Variants in CD22 observed in about 807,000 individuals in gnomAD.
The protein encoded by CD22 is B-cell receptor CD22.
Under a neutral mutation model 94.7 loss-of-function variants are expected in CD22, and 51 were observed. The observed-to-expected ratio is 0.54, with a 90% confidence interval of 0.43 to 0.68. The LOEUF (loss-of-function observed/expected upper bound fraction) is 0.68, where lower values mean the gene tolerates loss of function less well. Ranked by LOEUF, CD22 falls within the 30% of genes least tolerant of loss-of-function variation. The pLI, the probability that CD22 is intolerant of heterozygous loss-of-function variation, is 0.00. For synonymous variants in CD22, 424 were observed against 422.5 expected, an observed-to-expected ratio of 1.00 and a Z score of -0.04; for missense variants, 931 against 1,060.4, an observed-to-expected ratio of 0.88 and a Z score of 1.69.
intron 9 of CD22, 91 bp downstream of exon 9, chr19:35,342,056 T>TCC (rs1555769981): frequency 0.081 from 83,880 of 1,038,664 alleles, 6,158 homozygotes; most frequent in South Asian, 0.16. Context: ...CTTCCTTCCT[T>TCC]TCTTTCTCTC....
intron 6 of CD22, 83 bp downstream of exon 6, chr19:35,338,514 C>T (rs768714154): frequency 1.2e-5 from 18 of 1,459,002 alleles, no homozygotes; most frequent in Middle Eastern, 1.8e-4. Context: ...CAGGGCATTC[C>T]GGGGTCCTGG....
At chr19:35,345,451 G>T in intron 11 of CD22, 151 bp from the exon 12 acceptor site, 2 of 581,252 alleles carry the variant, frequency 3.4e-6, no homozygotes, top group Non-Finnish European at 6.1e-6. Flanking sequence ...AAAAAGGGTA[G>T]GCATGAGGCA....
chr19:35,333,269 G>C (rs969367684), intron 3 of CD22, among the ~76,000 whole-genome samples: 2 of 152,170 alleles, frequency 1.3e-5, no homozygotes, highest in Admixed American at 1.3e-4. Flanking sequence ...CTTTAGTGGG[G>C]TGGGTCTGCA....
In CD22 at chr19:35,341,693, G is replaced by A. The variant is rs776658197; in HGVS notation, c.1772-9G>A. ...GACTTCGCACCCCCTCCCCCTGCCC[G>A]CCATGCAGATGCACCCAGGAGGCTG... On this transcript the variant is annotated splice_polypyrimidine_tract_variant and intron_variant, in intron 8 of 13. Coordinates refer to ENST00000085219, the MANE Select transcript of CD22 (RefSeq NM_001771.4). The surrounding 1 kb of genome is among the most constrained non-coding windows in gnomAD (Gnocchi z 4.0). 21 of 1,607,396 alleles carry A rather than the reference G, an allele frequency of 1.3e-5. No homozygotes were observed. In the Admixed American group the frequency reaches 2.0e-4, roughly 15 times the overall value.
Position 35,346,573 on chromosome 19 carries a change from A to G in CD22, c.2420A>G (p.Tyr807Cys). ...SALHKRQVGD[Y>C]ENVIPDFPED... ...ACCATGCGGTTTTCTCAGGGCGACT[A>G]TGAGAACGTCATTCCAGATTTTCCA... The change falls in exon 14 of 14, where the codon TAT becomes TGT. Residue 807 changes from tyrosine (Y) to cysteine (C), a missense_variant. Tyr to Cys is a radical substitution (Grantham distance 194). Coordinates refer to ENST00000085219, the MANE Select transcript of CD22 (RefSeq NM_001771.4). The G allele has an allele frequency of 6.2e-7, 1 of 1,601,940 alleles. No individual in the cohort carries two copies. The highest frequency in any genetic ancestry group is 1.1e-5 in the South Asian group (1 of 89,184).
Position 35,341,554 on chromosome 19 carries a change from G to T in CD22, c.1719G>T (p.Val573=). Residue 573 remains valine, a synonymous_variant, in exon 8 of 14, where the codon GTG becomes GTT. Coordinates refer to ENST00000085219, the MANE Select transcript of CD22 (RefSeq NM_001771.4). This position sits in a 1 kb window ranked among gnomAD's most constrained non-coding sequence, Gnocchi z 4.0. ...PEDAGSYSCW[V]NNSIGQTASK... The stretch of plus-strand genomic sequence containing the variant: ...ATGCTGGGAGTTACAGCTGCTGGGT[G>T]AACAACTCCATAGGACAGACAGCGT... The T allele has an allele frequency of 6.2e-7, 1 of 1,614,130 alleles. No homozygotes were observed.
Position 35,332,764 on chromosome 19 carries a change from G to T in CD22, c.252G>T (p.Lys84Asn). The T allele has an allele frequency of 6.2e-7, 1 of 1,614,174 alleles. No homozygotes were observed. Among genetic ancestry groups the T allele is most frequent in the Non-Finnish European group, 8.5e-7 (1 of 1,180,030 alleles). Residue 84 changes from lysine (K) to asparagine (N), a missense_variant, in exon 3 of 14, where the codon AAG (lysine) becomes AAT (asparagine). Coordinates refer to ENST00000085219, the MANE Select transcript of CD22 (RefSeq NM_001771.4). ...TCTATGAAAGCACAAAGGATGGGAA[G>T]GTTCCTTCTGAGCAGAAAAGGGTGC... The part of the protein sequence containing the change: ...TRLYESTKDG[K>N]VPSEQKRVQF...
Position 35,332,835 on chromosome 19 carries a change from C to A in CD22, c.323C>A (p.Pro108Gln). The A allele has an allele frequency of 1.2e-6, 2 of 1,614,112 alleles. No individual in the cohort carries two copies. The change falls in exon 3 of 14, where the codon CCG becomes CAG. Residue 108 changes from proline to glutamine, a missense_variant. Coordinates refer to ENST00000085219, the MANE Select transcript of CD22 (RefSeq NM_001771.4). ...AAGAACTGCACACTGAGTATCCACCCGGTGCACCTCAATGACAGTGGTCAG... is the reference window on the plus strand; with the variant it reads ...AAGAACTGCACACTGAGTATCCACCAGGTGCACCTCAATGACAGTGGTCAG... The part of the protein sequence containing the change: ...KNKNCTLSIH[P>Q]VHLNDSGQLG...
At chr19:35,345,946 T>G (rs1388324864) in intron 12 of CD22, among the ~76,000 whole-genome samples, 1 of 152,190 alleles carries the variant, frequency 6.6e-6, no homozygotes, top group Non-Finnish European at 1.5e-5. Context: ...ATCACAAAGA[T>G]CAAGACCTCA....
intron 13 of CD22, 77 bp downstream of exon 13, chr19:35,346,312 C>A: frequency 1.5e-6 from 2 of 1,327,788 alleles, no homozygotes; most frequent in Non-Finnish European, 2.2e-6. Context: ...GTGGTGGGTC[C>A]CACATAGGAA....
In CD22 at chr19:35,346,655, T is replaced by G; in HGVS notation, c.2502T>G (p.Pro834=). The G allele has an allele frequency of 1.9e-6, 3 of 1,609,304 alleles. No individual in the cohort carries two copies. In the South Asian group the frequency reaches 3.3e-5, roughly 18 times the overall value. ...TCCAGTTTGGGGTCGGGGAGCGGCC[T>G]CAGGCACAAGAAAATGTGGACTATG... ...ELIQFGVGER[P]QAQENVDYVI... Residue 834 remains proline (P), a synonymous_variant, in exon 14 of 14, where the codon CCT becomes CCG. Transcript: ENST00000085219.
Position 35,338,373 on chromosome 19 carries a change from G to A in CD22, c.1191G>A (p.Val397=), listed in dbSNP as rs988878862. 2 of 1,614,210 alleles carry A rather than the reference G, an allele frequency of 1.2e-6. No individual in the cohort carries two copies. Among genetic ancestry groups the A allele is most frequent in the Middle Eastern group, 3.3e-4 (2 of 6,062 alleles). The change falls in exon 6 of 14, where the codon GTG becomes GTA. Residue 397 remains valine, a synonymous_variant. Transcript: ENST00000085219. ...GGCACGCTGGGACTTATTCCTGTGT[G>A]GCAGAAAACATTCTTGGTACTGGAC... is the stretch of plus-strand genomic sequence containing the variant. ...LPWHAGTYSC[V]AENILGTGQR...
At chr19:35,338,043 A>C (rs1473893355) in intron 5 of CD22, 22 bp downstream of exon 5, 1 of 1,595,070 alleles carries the variant, frequency 6.3e-7, no homozygotes, top group Non-Finnish European at 8.6e-7. Context: ...GGAGCTGGGG[A>C]CAGGCCAGGC....
At position 35,336,482 on chromosome 19, in the gene CD22, G is replaced by A. The variant is rs1336785698; in HGVS notation, c.718+141G>A. 8 of 708,204 alleles carry A rather than the reference G, an allele frequency of 1.1e-5. No homozygotes were observed. In the East Asian group the frequency reaches 2.2e-4, roughly 19 times the overall value. 43.9% of individuals were successfully genotyped at this position (708,204 alleles called of 1,614,324 possible). On this transcript the variant is annotated intron_variant, in intron 4 of 13. Transcript: ENST00000085219. ...CAGCCCTGGTCACGCCGCCTTGTCA[G>A]CCCTGGTGTTTCGGGAAAAAGATTT...
At position 35,346,764 on chromosome 19, in the gene CD22, G is replaced by A. The variant is rs1179116927; in HGVS notation, c.*67G>A. 2.7e-6 allele frequency: 4 copies of A among 1,479,318 alleles called. No homozygotes were observed. In the Admixed American group the frequency reaches 6.5e-5, roughly 24 times the overall value. 91.6% of individuals were successfully genotyped at this position (1,479,318 alleles called of 1,614,324 possible). On this transcript the variant is annotated 3_prime_UTR_variant, in exon 14 of 14. Transcript: ENST00000085219. ...CCAGGGAAGTCCCCGAGTTTCCCCAGACACCGCCACATGGCTTCCTCCTGC... is the reference window on the plus strand; with the variant it reads ...CCAGGGAAGTCCCCGAGTTTCCCCAAACACCGCCACATGGCTTCCTCCTGC...
Position 35,338,311 on chromosome 19 carries a change from A to G in CD22, c.1129A>G (p.Thr377Ala). Residue 377 changes from threonine (T) to alanine (A), a missense_variant, in exon 6 of 14, where the codon ACA (threonine) becomes GCA (alanine). Thr to Ala is a moderately conservative substitution (Grantham distance 58, BLOSUM62 0). Transcript: ENST00000085219. ...CAATGGGAAAGAAATGCAGGGAAGGACAGAGGAGAAAGTCCACATCCCAAA... is the reference window on the plus strand; with the variant it reads ...CAATGGGAAAGAAATGCAGGGAAGGGCAGAGGAGAAAGTCCACATCCCAAA... Reference protein sequence around the residue: ...YHNGKEMQGRTEEKVHIPKIL... With the variant: ...YHNGKEMQGRAEEKVHIPKIL... 1 of 1,614,242 alleles carries G rather than the reference A, an allele frequency of 6.2e-7. No individual in the cohort carries two copies. Among genetic ancestry groups the G allele is most frequent in the Non-Finnish European group, 8.5e-7 (1 of 1,180,050 alleles).
chr19:35,344,079 C>A (rs954697042), intron 9 of CD22, among the ~76,000 whole-genome samples: 1 of 152,186 alleles, frequency 6.6e-6, no homozygotes, highest in Non-Finnish European at 1.5e-5. Flanking sequence ...ACCTGTAGTC[C>A]CAACTACTCG....
At position 35,341,932 on chromosome 19, in the gene CD22, G is replaced by T. The variant is rs767257710; in HGVS notation, c.2002G>T (p.Gly668Cys). ...CCAGGGGACCAACAGTGTGGGCAAG[G>T]GCCGTTCGCCTCTCAGCACCCTCAC... ...WCQGTNSVGK[G>C]RSPLSTLTVY... is the part of the protein sequence containing the mutation. The change falls in exon 9 of 14, where the codon GGC becomes TGC. Residue 668 changes from glycine (G) to cysteine (C), a missense_variant. By Grantham distance (159) the Gly-to-Cys change is radical. Coordinates refer to ENST00000085219, the MANE Select transcript of CD22 (RefSeq NM_001771.4). This position sits in a 1 kb window ranked among gnomAD's most constrained non-coding sequence, Gnocchi z 4.0. 1.2e-6 allele frequency: 2 copies of T among 1,613,688 alleles called. No homozygotes were observed. Among genetic ancestry groups the T allele is most frequent in the Non-Finnish European group, 1.7e-6 (2 of 1,179,922 alleles).
intron 2 of CD22, 86 bp from the exon 3 acceptor site, chr19:35,332,461 A>C: frequency 7.3e-7 from 1 of 1,367,702 alleles, no homozygotes; most frequent in Non-Finnish European, 9.7e-7. Context: ...AAGAATAAAA[A>C]ATTAAACAAA....
Sources: gnomAD v4.1 joint callset for allele counts (sites outside exome capture counted in the v4.1 genomes callset) on GRCh38, gnomAD v4.1.1 for gene constraint, Gnocchi (gnomAD v3.1) non-coding constraint, MANE v1.5 for transcripts, NCBI Gene and HGNC (gene_info 2026-07-23, HGNC 2026-07-21) for gene names.